Variants in PDE4C observed in about 807,000 individuals in gnomAD.
PDE4C encodes the protein phosphodiesterase 4C, also known as 3',5'-cyclic-AMP phosphodiesterase 4C.
In PDE4C, 50 loss-of-function variants were observed where a neutral mutation model predicts 63.9. The observed-to-expected ratio is 0.78, with a 90% confidence interval of 0.62 to 0.99. The LOEUF is 0.99. Among genes scored for constraint, PDE4C ranks in the 50% least tolerant of loss-of-function variants. The pLI, the probability that PDE4C is intolerant of heterozygous loss-of-function variation, is 0.00. For synonymous variants in PDE4C, 377 were observed against 385.1 expected (o/e 0.98, Z 0.25); for missense variants, 777 against 899.1 (o/e 0.86, Z 1.74).
upstream of PDE4C, among the ~76,000 whole-genome samples, chr19:18,251,537 C>T (rs1161907197): frequency 6.6e-6 from 1 of 150,628 alleles, no homozygotes; most frequent in African/African-American, 2.4e-5. Context: ...TGGGTTCAAG[C>T]GATTCTCCTG....
upstream of PDE4C, among the ~76,000 whole-genome samples, chr19:18,237,945 T>C (rs1319365927): frequency 6.6e-6 from 1 of 150,738 alleles, no homozygotes; most frequent in Non-Finnish European, 1.5e-5. Context: ...TAACTAATAA[T>C]AGCATGCTCA....
rs1441629529 is a variant in PDE4C, at chr19:18,226,359, G to T, written c.57C>A (p.Ser19=). 3.3e-6 allele frequency: 5 copies of T among 1,512,126 alleles called. No homozygotes were observed. The South Asian group carries it at 4.9e-5, about 15-fold the overall frequency. The allele number at this position is 1,512,126 out of a possible 1,614,324, so 93.7% of individuals were successfully genotyped here. A position where few individuals can be genotyped will look rare whatever the true frequency, so the allele number is the denominator to read the frequency against. Residue 19 remains serine, a synonymous_variant, in exon 1 of 15, where the codon TCC becomes TCA. Transcript: ENST00000262805. ...TGAAGAGCCCGGGGGAGCCGCGCGG[G>T]GATCCCCGAGGGGAGCCGGGCCCGG...
chr19:18,251,097 T>C (rs1969224113), upstream of PDE4C, among the ~76,000 whole-genome samples: 1 of 150,358 alleles, frequency 6.7e-6, no homozygotes, highest in Non-Finnish European at 1.5e-5. Flanking sequence ...TTTTATTTAA[T>C]CAATTACTTT....
intron 7 of PDE4C, chr19:18,219,750 G>T (rs2148022611): frequency 4.2e-6 from 1 of 239,168 alleles, no homozygotes; most frequent in East Asian, 1.0e-4. Context: ...CTTGAACCCA[G>T]GAGGCGGAGG....
chr19:18,224,499 C>T (rs866647092), intron 1 of PDE4C: 13 of 985,404 alleles, frequency 1.3e-5, no homozygotes, highest in African/African-American at 1.2e-4. Flanking sequence ...TCGAATTGGA[C>T]TTGGTCACGA....
At chr19:18,233,368 C>T (rs1308021563) in exon 1 of PDE4C, 1 of 829,822 alleles carries the variant, frequency 1.2e-6, no homozygotes. Context: ...AAGGTGGGGC[C>T]GACACCGAGG....
At chr19:18,248,880 C>T (rs1041145782), upstream of PDE4C, among the ~76,000 whole-genome samples, 1 of 151,346 alleles carries the variant, frequency 6.6e-6, no homozygotes, top group Non-Finnish European at 1.5e-5. Context: ...AAAAAATTAG[C>T]TGAGTGTGGT....
chr19:18,233,536 A>C, exon 1 of PDE4C: 1 of 548,924 alleles, frequency 1.8e-6, no homozygotes, highest in Non-Finnish European at 3.5e-6. Context: ...GAACCAAGAC[A>C]AGGACTTGGA....
chr19:18,212,448 T>C (rs1353063951), intron 13 of PDE4C, among the ~76,000 whole-genome samples: 1 of 149,986 alleles, frequency 6.7e-6, no homozygotes, highest in Non-Finnish European at 1.5e-5. Flanking sequence ...GTGCTGGGAT[T>C]ACAGGTGTGA....
chr19:18,231,282 T>A (rs769577390), upstream of PDE4C, among the ~76,000 whole-genome samples: 3 of 152,220 alleles, frequency 2.0e-5, no homozygotes, highest in Non-Finnish European at 2.9e-5. Context: ...ACGACGTGTG[T>A]GTGCACACAC....
intron 1 of PDE4C, 141 bp from the exon 2 acceptor site, chr19:18,222,464 G>T: frequency 1.5e-6 from 1 of 661,034 alleles, no homozygotes. Context: ...CCTGCCCCCA[G>T]CTACACCCTC....
downstream of PDE4C, chr19:18,208,526 A>G (rs936276643): frequency 1.3e-5 from 1 of 78,590 alleles, no homozygotes; most frequent in African/African-American, 5.1e-5. Context: ...GCCCGCCACC[A>G]GGGGGTGCCG....
intron 11 of PDE4C, chr19:18,217,156 A>G: frequency 3.0e-6 from 1 of 330,790 alleles, no homozygotes; most frequent in Non-Finnish European, 5.4e-6. Context: ...GTACTCAGTA[A>G]TGTTTTTTTT....
intron 1 of PDE4C, among the ~76,000 whole-genome samples, chr19:18,242,488 A>AAAG (rs1969059124): frequency 7.3e-6 from 1 of 137,744 alleles, no homozygotes; most frequent in African/African-American, 2.7e-5. Context: ...AAAAAAAAAA[A>AAAG]AAAAAAAAAA....
At position 18,221,253 on chromosome 19, in the gene PDE4C, A is replaced by C; in HGVS notation, c.375+8T>G. ...GGGGTCAGGGCAGGGAGGGCGGGGG[A>C]CACCCACCTGGGCAAAGGGCGTCAC... On this transcript the variant is annotated splice_region_variant and intron_variant, in intron 3 of 14. Coordinates refer to ENST00000262805, the Ensembl canonical transcript of PDE4C. The C allele has an allele frequency of 6.5e-7, 1 of 1,546,372 alleles. No homozygotes were observed. The highest frequency in any genetic ancestry group is 8.7e-7 in the Non-Finnish European group (1 of 1,152,954).
chr19:18,214,040 C>T (rs1199244983), intron 12 of PDE4C, among the ~76,000 whole-genome samples: 2 of 152,056 alleles, frequency 1.3e-5, no homozygotes, highest in Non-Finnish European at 2.9e-5. Flanking sequence ...AGGTGGATCA[C>T]GAGGTCAGGA....
At chr19:18,210,816 A>T in exon 15 of PDE4C, 2 of 1,489,126 alleles carry the variant, frequency 1.3e-6, no homozygotes, top group Non-Finnish European at 1.8e-6. Flanking sequence ...GTCTCCCTAA[A>T]TGGGTGGGAA....
At chr19:18,224,449 C>A in intron 1 of PDE4C, 1 of 985,610 alleles carries the variant, frequency 1.0e-6, no homozygotes, top group Non-Finnish European at 1.2e-6. Context: ...TGGCAGCATT[C>A]GGTCCAAGTA....
intron 1 of PDE4C, among the ~76,000 whole-genome samples, chr19:18,239,425 G>A (rs1008870102): frequency 1.3e-5 from 2 of 152,164 alleles, no homozygotes; most frequent in African/African-American, 4.8e-5. Flanking sequence ...TCCAGGCCAC[G>A]TGGTCCAGGG....
Sources: gnomAD v4.1 joint callset for allele counts (sites outside exome capture counted in the v4.1 genomes callset) on GRCh38, gnomAD v4.1.1 for gene constraint, MANE v1.5 for transcripts, NCBI Gene and HGNC (gene_info 2026-07-23, HGNC 2026-07-21) for gene names.